RTN4IP1: variants seen among roughly 807,000 people sequenced by gnomAD.
RTN4IP1 encodes reticulon 4 interacting protein 1.
In RTN4IP1, 32 loss-of-function variants were observed where a neutral mutation model predicts 46.6. The observed-to-expected ratio is 0.69, with a 90% confidence interval of 0.52 to 0.92. The LOEUF is 0.92. Among genes scored for constraint, RTN4IP1 ranks in the 40% least tolerant of loss-of-function variants. RTN4IP1 has a pLI of 0.00. For missense variants in RTN4IP1, 424 were observed against 485.8 expected (o/e 0.87, Z 1.20); for synonymous variants, 167 against 161.8 (o/e 1.03, Z -0.24).
At chr6:106,584,553 G>T (rs924109738) in intron 7 of RTN4IP1, among the ~76,000 whole-genome samples, 1 of 152,070 alleles carries the variant, frequency 6.6e-6, no homozygotes, top group Non-Finnish European at 1.5e-5. Flanking sequence ...TTTTTGTTTT[G>T]TTGTTTTTTT....
intron 1 of RTN4IP1, among the ~76,000 whole-genome samples, chr6:106,628,020 A>G (rs1776697112): frequency 6.9e-6 from 1 of 144,498 alleles, no homozygotes; most frequent in Admixed American, 7.0e-5. Context: ...GTGAGCCAGG[A>G]AAGCGCCCTT....
Position 106,592,265 on chromosome 6 carries a change from A to C in RTN4IP1, c.705T>G (p.Val235=). Residue 235 remains valine (V), a synonymous_variant, in exon 6 of 9, where the codon GTT becomes GTG. Coordinates refer to ENST00000369063, the MANE Select transcript of RTN4IP1 (RefSeq NM_032730.5). ...CAAGTTCACTGGCATCTTGGGAGCA[A>C]ACTGCTGTCACATGAGCATCCCATG... is the stretch of plus-strand genomic sequence containing the variant. ...MKAWDAHVTA[V]CSQDASELVR... is the part of the protein sequence containing the mutation. The C allele has an allele frequency of 5.0e-6, 8 of 1,614,148 alleles. No homozygotes were observed. The highest frequency in any genetic ancestry group is 5.9e-6 in the Non-Finnish European group (7 of 1,180,020).
At chr6:106,601,402 A>G (rs755122632) in intron 5 of RTN4IP1, among the ~76,000 whole-genome samples, 8 of 152,090 alleles carry the variant, frequency 5.3e-5, no homozygotes, top group Non-Finnish European at 1.0e-4. Context: ...TTGACATACA[A>G]AAGTTTTTTT....
At chr6:106,577,064 C>T (rs571170218) in intron 8 of RTN4IP1, among the ~76,000 whole-genome samples, 35 of 152,154 alleles carry the variant, frequency 2.3e-4, no homozygotes, top group Non-Finnish European at 4.4e-4. Flanking sequence ...TTTGAATATA[C>T]CTGTGAACAT....
At chr6:106,591,836 C>T (rs1775671255) in intron 6 of RTN4IP1, among the ~76,000 whole-genome samples, 1 of 152,162 alleles carries the variant, frequency 6.6e-6, no homozygotes, top group African/African-American at 2.4e-5. Context: ...ACTCTATATT[C>T]TTCCTGTGGT....
rs35077265 is a variant in RTN4IP1, at chr6:106,605,884, A to T, written c.621-2962T>A. ...ACTACACTACTGCGCTCACCCAGGA[A>T]CAAAGCCAAAGCACTCTACTCAAAC... On this transcript the variant is annotated intron_variant, in intron 4 of 8. Coordinates refer to ENST00000369063, the MANE Select transcript of RTN4IP1 (RefSeq NM_032730.5). 2.6e-5 allele frequency among the ~76,000 whole-genome samples: 4 copies of T among 151,814 alleles called. No individual in the cohort carries two copies. In the South Asian group the frequency reaches 8.3e-4, roughly 32 times the overall value.
At position 106,571,705 on chromosome 6, in the gene RTN4IP1, C is replaced by A; in HGVS notation, c.*291G>T. 6.3e-6 allele frequency: 2 copies of A among 315,712 alleles called. No homozygotes were observed. Among genetic ancestry groups the A allele is most frequent in the Non-Finnish European group, 1.2e-5 (2 of 167,216 alleles). 19.6% of individuals were successfully genotyped at this position (315,712 alleles called of 1,614,324 possible). A position where few individuals can be genotyped will look rare whatever the true frequency, so the allele number is the denominator to read the frequency against. ...GACCCTGTCTCTAAAACAAAAAAGA[C>A]AATAAAGTAGTTTAAGCTAGTAAAA... On this transcript the variant is annotated 3_prime_UTR_variant, in exon 9 of 9. Coordinates refer to ENST00000369063, the MANE Select transcript of RTN4IP1 (RefSeq NM_032730.5).
chr6:106,591,061 C>T (rs1325046798), intron 6 of RTN4IP1, among the ~76,000 whole-genome samples: 1 of 152,210 alleles, frequency 6.6e-6, no homozygotes, highest in Non-Finnish European at 1.5e-5. Flanking sequence ...CACAAACACA[C>T]AAATCCCATT....
At chr6:106,585,379 C>T (rs894171630) in intron 7 of RTN4IP1, among the ~76,000 whole-genome samples, 1 of 152,138 alleles carries the variant, frequency 6.6e-6, no homozygotes, top group Admixed American at 6.5e-5. Context: ...TGAGAATGTC[C>T]CAAGCTTACT....
chr6:106,612,679 C>T (rs11153015), intron 4 of RTN4IP1, among the ~76,000 whole-genome samples: 2 of 3,076 alleles, frequency 6.5e-4, no homozygotes, highest in Non-Finnish European at 6.6e-3. Context: ...TGACTCATTC[C>T]AATCACCTGC....
chr6:106,615,281 G>A (rs1437810852), intron 4 of RTN4IP1, among the ~76,000 whole-genome samples: 2 of 151,992 alleles, frequency 1.3e-5, no homozygotes, highest in Non-Finnish European at 2.9e-5. Flanking sequence ...TTTAATATAA[G>A]CATATCGGTA....
chr6:106,613,192 G>T (rs1020854068), intron 4 of RTN4IP1, among the ~76,000 whole-genome samples: 1 of 151,978 alleles, frequency 6.6e-6, no homozygotes, highest in African/African-American at 2.4e-5. Context: ...AAATATACTT[G>T]TTTGGGGTTT....
intron 6 of RTN4IP1, 80 bp from the exon 7 acceptor site, chr6:106,587,942 T>C: frequency 7.8e-7 from 1 of 1,285,054 alleles, no homozygotes; most frequent in Non-Finnish European, 1.1e-6. Context: ...CCAGTACCAG[T>C]TGGCTTAGGG....
intron 1 of RTN4IP1, among the ~76,000 whole-genome samples, chr6:106,624,518 G>A (rs1023784939): frequency 2.0e-5 from 3 of 151,008 alleles, no homozygotes; most frequent in Non-Finnish European, 4.4e-5. Flanking sequence ...GGCTAATTTT[G>A]TAGAAACAGG....
In RTN4IP1 at chr6:106,585,941, G is replaced by C. The variant is rs144016419; in HGVS notation, c.990+1738C>G. 3.1e-3 allele frequency among the ~76,000 whole-genome samples: 467 copies of C among 152,318 alleles called. 3 individuals are homozygous for C. The highest frequency in any genetic ancestry group is 0.011 in the African/African-American group (452 of 41,576). On this transcript the variant is annotated intron_variant, in intron 7 of 8. Coordinates refer to ENST00000369063, the MANE Select transcript of RTN4IP1 (RefSeq NM_032730.5). ...TGGAAAATCTGGGTTTTGTGAAAGAGAAAGAAGAGACAAGGGACAGCTAAG... is the reference window on the plus strand; with the variant it reads ...TGGAAAATCTGGGTTTTGTGAAAGACAAAGAAGAGACAAGGGACAGCTAAG...
chr6:106,623,085 T>C (rs1776529378), intron 1 of RTN4IP1, 116 bp from the exon 2 acceptor site: 2 of 994,034 alleles, frequency 2.0e-6, no homozygotes, highest in South Asian at 3.1e-5. Context: ...TTATAAATCA[T>C]TCCATTACAA....
intron 4 of RTN4IP1, among the ~76,000 whole-genome samples, chr6:106,616,420 C>T (rs777705946): frequency 1.2e-4 from 19 of 152,100 alleles, no homozygotes; most frequent in Non-Finnish European, 2.1e-4. Flanking sequence ...ATAAAGAAAT[C>T]CTATAAAATC....
chr6:106,588,143 AG>A (rs1266564054), intron 6 of RTN4IP1, among the ~76,000 whole-genome samples: 4 of 152,210 alleles, frequency 2.6e-5, no homozygotes, highest in Non-Finnish European at 5.9e-5. Flanking sequence ...TTCAGCAAGT[AG>A]TTCTGAAAAG....
chr6:106,629,197 G>A lies in RTN4IP1; in HGVS notation c.-176C>T, dbSNP rs1776742242. 1 of 614,902 alleles carries A rather than the reference G, an allele frequency of 1.6e-6. No homozygotes were observed. The allele number at this position is 614,902 out of a possible 1,614,324, so 38.1% of individuals were successfully genotyped here. A position where few individuals can be genotyped will look rare whatever the true frequency, so the allele number is the denominator to read the frequency against. On this transcript the variant is annotated 5_prime_UTR_variant, in exon 1 of 9. Transcript: ENST00000369063. ...AATGGAGAAACTGAAAGAAGAATAC[G>A]GAACTGTTATTCCGCTCTTCGCATA...
Sources: allele counts gnomAD v4.1 joint callset (sites outside exome capture counted in the v4.1 genomes callset), GRCh38; gene constraint gnomAD v4.1.1; transcripts MANE v1.5; gene names NCBI Gene and HGNC (gene_info 2026-07-23, HGNC 2026-07-21).